Variants in MAGI2 observed in about 807,000 individuals in gnomAD.
The protein encoded by MAGI2 is membrane-associated guanylate kinase, WW and PDZ domain-containing protein 2.
MAGI2 carries 35 observed loss-of-function variants against 133.3 expected under a neutral mutation model. The ratio of observed to expected loss-of-function variants is 0.26; its 90% CI spans 0.20 to 0.35. The LOEUF is 0.35. Among genes scored for constraint, MAGI2 ranks in the 10% least tolerant of loss-of-function variants. The probability of loss-of-function intolerance (pLI) is 1.00; values close to 1 mark genes in which losing one functional copy is unlikely to be tolerated. For synonymous variants in MAGI2, 729 were observed against 710.6 expected, an observed-to-expected ratio of 1.03 and a Z score of -0.41; for missense variants, 1,636 against 1,863.4, an observed-to-expected ratio of 0.88 and a Z score of 2.25.
intron 2 of MAGI2, among the ~76,000 whole-genome samples, chr7:78,683,400 T>C (rs1471385362): frequency 6.6e-6 from 1 of 152,124 alleles, no homozygotes; most frequent in African/African-American, 2.4e-5. Context: ...AAGAAAGATG[T>C]CAAGGGCAGA....
chr7:78,988,351 A>G (rs1002872888), intron 2 of MAGI2, among the ~76,000 whole-genome samples: 2 of 152,038 alleles, frequency 1.3e-5, no homozygotes, highest in African/African-American at 4.8e-5. Context: ...CAAACCATAA[A>G]TTGGTTTGAT....
At chr7:78,645,669 G>GTA (rs763717276) in intron 2 of MAGI2, among the ~76,000 whole-genome samples, 2 of 146,324 alleles carry the variant, frequency 1.4e-5, no homozygotes, top group Non-Finnish European at 3.0e-5. Context: ...GTGTGTGTGT[G>GTA]TATACCATTT....
At chr7:78,731,741 GA>G (rs1160274293) in intron 2 of MAGI2, among the ~76,000 whole-genome samples, 2 of 152,102 alleles carry the variant, frequency 1.3e-5, no homozygotes, top group Non-Finnish European at 2.9e-5. Flanking sequence ...GGGGGACCAT[GA>G]CATACCTCTC....
At chr7:78,644,559 G>A (rs899209658) in intron 2 of MAGI2, among the ~76,000 whole-genome samples, 2 of 152,110 alleles carry the variant, frequency 1.3e-5, no homozygotes, top group African/African-American at 2.4e-5. Flanking sequence ...AATAGCTCAT[G>A]TGTCAAGGAA....
Position 78,421,345 on chromosome 7 carries a change from C to T in MAGI2, c.1046-52132G>A, listed in dbSNP as rs186181109. 1.1e-3 allele frequency among the ~76,000 whole-genome samples: 170 copies of T among 152,238 alleles called. 2 individuals carry two copies. Among genetic ancestry groups the T allele is most frequent in the African/African-American group, 3.6e-3 (151 of 41,520 alleles). ...GAAGAAATCATACAACCACTATGGCCTTGTTGAGTTCTCTGAGGTGGTTAA... is the reference window on the plus strand; with the variant it reads ...GAAGAAATCATACAACCACTATGGCTTTGTTGAGTTCTCTGAGGTGGTTAA... On this transcript the variant is annotated intron_variant, in intron 6 of 21. Coordinates refer to ENST00000354212, the MANE Select transcript of MAGI2 (RefSeq NM_012301.4).
intron 1 of MAGI2, among the ~76,000 whole-genome samples, chr7:79,259,220 G>C (rs1047035377): frequency 1.3e-5 from 2 of 152,110 alleles, no homozygotes; most frequent in Admixed American, 6.5e-5. Flanking sequence ...CTGTCCCTTA[G>C]AGTAAAAATA....
At chr7:79,039,847 CATATATA>C (rs1811468853) in intron 1 of MAGI2, among the ~76,000 whole-genome samples, 1 of 140,420 alleles carries the variant, frequency 7.1e-6, no homozygotes, top group African/African-American at 2.6e-5. Context: ...ATTATATATA[CATATATA>C]TTATATATAT....
intron 6 of MAGI2, among the ~76,000 whole-genome samples, chr7:78,383,317 A>C (rs934899661): frequency 6.6e-6 from 1 of 152,066 alleles, no homozygotes; most frequent in Admixed American, 6.6e-5. Flanking sequence ...CTCACTGGGT[A>C]AGATGATATC....
chr7:78,764,835 C>T (rs567037863), intron 2 of MAGI2, among the ~76,000 whole-genome samples: 6 of 152,140 alleles, frequency 3.9e-5, no homozygotes, highest in Non-Finnish European at 8.8e-5. Context: ...AGAGTGCTAA[C>T]CACTACATGA....
intron 1 of MAGI2, among the ~76,000 whole-genome samples, chr7:79,162,216 TA>T (rs1824439082): frequency 6.6e-6 from 1 of 152,072 alleles, no homozygotes; most frequent in Non-Finnish European, 1.5e-5. Context: ...ATCATATTTT[TA>T]CTTGGTGGCC....
At chr7:79,204,751 A>C (rs548540406) in intron 1 of MAGI2, among the ~76,000 whole-genome samples, 1 of 152,058 alleles carries the variant, frequency 6.6e-6, no homozygotes, top group African/African-American at 2.4e-5. Flanking sequence ...TGACCAGATG[A>C]ACAATTTAAT....
chr7:78,759,685 A>G (rs1318508641), intron 2 of MAGI2, among the ~76,000 whole-genome samples: 2 of 152,220 alleles, frequency 1.3e-5, no homozygotes, highest in Non-Finnish European at 2.9e-5. Flanking sequence ...AAAAATACCT[A>G]TTATTTTATT....
intron 9 of MAGI2, among the ~76,000 whole-genome samples, chr7:78,331,339 G>C (rs1789174534): frequency 6.6e-6 from 1 of 151,928 alleles, no homozygotes; most frequent in Non-Finnish European, 1.5e-5. Flanking sequence ...AACCTGCACA[G>C]GTACCCCTGA....
chr7:78,198,748 T>C (rs1828972486), intron 11 of MAGI2, among the ~76,000 whole-genome samples: 1 of 152,200 alleles, frequency 6.6e-6, no homozygotes. Context: ...CATGAAATGC[T>C]CTGTCCAGAA....
intron 9 of MAGI2, among the ~76,000 whole-genome samples, chr7:78,331,563 G>T (rs1354554947): frequency 6.6e-6 from 1 of 152,048 alleles, no homozygotes; most frequent in Admixed American, 6.6e-5. Context: ...TTTATCTTAA[G>T]GTAAACACCT....
At chr7:78,983,356 A>G (rs1025707452) in intron 2 of MAGI2, among the ~76,000 whole-genome samples, 6 of 152,026 alleles carry the variant, frequency 3.9e-5, no homozygotes, top group Non-Finnish European at 8.8e-5. Context: ...TACTGTTCTA[A>G]ATAAGACTCA....
chr7:79,003,822 T>C (rs959409541), intron 2 of MAGI2, among the ~76,000 whole-genome samples: 2 of 152,120 alleles, frequency 1.3e-5, no homozygotes, highest in Non-Finnish European at 2.9e-5. Context: ...AAAGAAGACA[T>C]GCAAATGGCC....
At chr7:78,820,325 A>G (rs528018870) in intron 2 of MAGI2, among the ~76,000 whole-genome samples, 4 of 152,118 alleles carry the variant, frequency 2.6e-5, no homozygotes, top group Admixed American at 2.6e-4. Flanking sequence ...CATAAGAATG[A>G]TGAGTTCTTC....
At chr7:78,529,666 T>A (rs140416413) in intron 3 of MAGI2, among the ~76,000 whole-genome samples, 7,796 of 123,216 alleles carry the variant, frequency 0.063, 447 homozygotes, top group African/African-American at 0.13. Context: ...CTAAAGGAGA[T>A]GGTTTTTTTT....
Sources: gnomAD v4.1 joint callset for allele counts (sites outside exome capture counted in the v4.1 genomes callset) on GRCh38, gnomAD v4.1.1 for gene constraint, MANE v1.5 for transcripts, NCBI Gene and HGNC (gene_info 2026-07-23, HGNC 2026-07-21) for gene names.